Variants in DMD observed in about 807,000 individuals in gnomAD.
DMD encodes dystrophin.
Under a neutral mutation model 330.1 loss-of-function variants are expected in DMD, and 63 were observed. The observed-to-expected ratio is 0.19, with a 90% CI of 0.16 to 0.24. DMD has a LOEUF of 0.24. Ranked by LOEUF, DMD falls within the 10% of genes least tolerant of loss-of-function variation. The probability of loss-of-function intolerance (pLI) is 1.00; values close to 1 mark genes in which losing one functional copy is unlikely to be tolerated. For missense variants in DMD, 3,344 were observed against 2,684.1 expected, an observed-to-expected ratio of 1.25 and a Z score of -5.43; for synonymous variants, 1,223 against 959.8, an observed-to-expected ratio of 1.27 and a Z score of -5.07.
chrX:31,220,363 T>C (rs1443703640), intron 64 of DMD, among the ~76,000 whole-genome samples: 1 of 111,596 alleles, frequency 9.0e-6, no homozygotes, highest in Non-Finnish European at 1.9e-5. Flanking sequence ...ACTTCCACTG[T>C]GCCTCTAAAA....
chrX:31,936,136 T>C (rs1252191025), intron 45 of DMD, among the ~76,000 whole-genome samples: 5 of 111,538 alleles, frequency 4.5e-5, no homozygotes, highest in African/African-American at 1.6e-4. Context: ...TACCCTATAT[T>C]TCACCATTAT....
intron 44 of DMD, among the ~76,000 whole-genome samples, chrX:32,084,624 A>G (rs140428748): frequency 0.012 from 1,361 of 111,880 alleles, 8 homozygotes; most frequent in Non-Finnish European, 0.019. Flanking sequence ...TGCCAAATTG[A>G]ATATGAATAT....
chrX:33,229,949 C>G (rs2052360115), intron 1 of DMD, among the ~76,000 whole-genome samples: 1 of 112,131 alleles, frequency 8.9e-6, no homozygotes, highest in Non-Finnish European at 1.9e-5. Context: ...TGTTTTTCAA[C>G]AGTGTTTTGC....
chrX:33,069,502 C>T (rs1479682591), intron 1 of DMD, among the ~76,000 whole-genome samples: 1 of 111,508 alleles, frequency 9.0e-6, no homozygotes, highest in Non-Finnish European at 1.9e-5. Flanking sequence ...TTTCTTGTTT[C>T]CTGAGTTCCT....
chrX:32,217,953 T>C (rs1304032068), intron 43 of DMD, among the ~76,000 whole-genome samples: 1 of 111,998 alleles, frequency 8.9e-6, no homozygotes, highest in Non-Finnish European at 1.9e-5. Context: ...CCTTCTTTAA[T>C]CCTTCTTATT....
intron 16 of DMD, among the ~76,000 whole-genome samples, chrX:32,562,770 G>C (rs1278649966): frequency 9.0e-6 from 1 of 111,659 alleles, no homozygotes. Flanking sequence ...GCTCTTATAT[G>C]ATACTATTTC....
At chrX:31,988,208 C>G (rs1242237942) in intron 44 of DMD, among the ~76,000 whole-genome samples, 1 of 110,478 alleles carries the variant, frequency 9.1e-6, no homozygotes, top group Non-Finnish European at 1.9e-5. Context: ...CATGGTGGCT[C>G]ATGCCTGTAA....
chrX:33,126,394 T>TA (rs904353651), intron 1 of DMD, among the ~76,000 whole-genome samples: 2 of 111,448 alleles, frequency 1.8e-5, no homozygotes, highest in African/African-American at 6.5e-5. Flanking sequence ...CAGCATCTCC[T>TA]AAAAAATCTG....
intron 50 of DMD, among the ~76,000 whole-genome samples, chrX:31,803,246 T>C (rs1286584248): frequency 8.9e-6 from 1 of 111,975 alleles, no homozygotes; most frequent in African/African-American, 3.2e-5. Context: ...TGACATGGGA[T>C]GCTGTCAGCT....
intron 2 of DMD, among the ~76,000 whole-genome samples, chrX:33,009,986 GTGTATATACA>G (rs2093634251): frequency 1.8e-5 from 1 of 54,205 alleles, no homozygotes; most frequent in African/African-American, 9.1e-5. Context: ...ATACACATGT[GTGTATATACA>G]CGTATGTATG....
chrX:32,992,712 G>A (rs1298498935), intron 2 of DMD, among the ~76,000 whole-genome samples: 1 of 110,219 alleles, frequency 9.1e-6, no homozygotes, highest in African/African-American at 3.3e-5. Flanking sequence ...TTCAAGACCA[G>A]CCTGGTCAAC....
chrX:32,707,284 C>T (rs2064762288), intron 7 of DMD, among the ~76,000 whole-genome samples: 1 of 111,905 alleles, frequency 8.9e-6, no homozygotes, highest in Admixed American at 9.5e-5. Flanking sequence ...TAAATAATTT[C>T]AAAATTCTCA....
At chrX:31,499,489 C>CTTTTTTTTTTTTTTTTT (rs774151183) in intron 56 of DMD, among the ~76,000 whole-genome samples, 2 of 83,664 alleles carry the variant, frequency 2.4e-5, no homozygotes, top group African/African-American at 9.1e-5. Flanking sequence ...GAATTCAGTT[C>CTTTTTTTTTTTTTTTTT]TTTTTTTTTT....
At chrX:32,316,454 T>C (rs1465221099) in intron 41 of DMD, among the ~76,000 whole-genome samples, 1 of 111,589 alleles carries the variant, frequency 9.0e-6, no homozygotes, top group Middle Eastern at 4.7e-3. Flanking sequence ...ACTTTAAATA[T>C]ATTTAATGAA....
In DMD at chrX:32,409,788, T is replaced by C. The variant is rs773777170; in HGVS notation, c.4233+1964A>G. Among the ~76,000 whole-genome samples the C allele has an allele frequency of 2.7e-5, 3 of 111,570 alleles. No homozygotes were observed. The East Asian group carries it at 8.4e-4, about 31-fold the overall frequency. On this transcript the variant is annotated intron_variant, in intron 30 of 78. Transcript: ENST00000357033. ...AACATTCCTTCAAAACTCATGTCAT[T>C]AGTTTAAATGAAAGCAGTTCTACTC... is the stretch of plus-strand genomic sequence containing the variant.
At position 31,555,148 on chromosome X, in the gene DMD, A is replaced by G. The variant is rs185691058; in HGVS notation, c.8218-47695T>C. 1.2e-4 allele frequency among the ~76,000 whole-genome samples: 13 copies of G among 112,015 alleles called. No individual in the cohort carries two copies. The East Asian group carries it at 3.6e-3, about 31-fold the overall frequency. Reference sequence around the variant, plus strand: ...AGTAGTGGAATGCTAGTAAATGTCAAATAACTGGCTCTAGGGGAGGGCAGT... The same window carrying G: ...AGTAGTGGAATGCTAGTAAATGTCAGATAACTGGCTCTAGGGGAGGGCAGT... On this transcript the variant is annotated intron_variant, in intron 55 of 78. Transcript: ENST00000357033.
chrX:32,467,265 C>A (rs1404471856), intron 23 of DMD, among the ~76,000 whole-genome samples: 2 of 111,690 alleles, frequency 1.8e-5, no homozygotes, highest in Non-Finnish European at 3.8e-5. Flanking sequence ...ACGTTTTCGA[C>A]ATTTCCTTCC....
intron 47 of DMD, among the ~76,000 whole-genome samples, chrX:31,923,859 G>C (rs1297955563): frequency 8.9e-6 from 1 of 111,874 alleles, no homozygotes; most frequent in East Asian, 2.8e-4. Context: ...GCCTCCCAAA[G>C]TGCTGGGATT....
intron 61 of DMD, among the ~76,000 whole-genome samples, chrX:31,327,032 T>C (rs1569526917): frequency 1.8e-5 from 2 of 111,981 alleles, no homozygotes; most frequent in South Asian, 3.7e-4. Flanking sequence ...TATCGGCAAA[T>C]AGTTTCTATA....
Sources: gnomAD v4.1 joint callset for allele counts (sites outside exome capture counted in the v4.1 genomes callset) on GRCh38, gnomAD v4.1.1 for gene constraint, MANE v1.5 for transcripts, NCBI Gene and HGNC (gene_info 2026-07-23, HGNC 2026-07-21) for gene names.